Variants in ATP6V1B2 observed in about 807,000 individuals in gnomAD.
ATP6V1B2 encodes the protein ATPase H+ transporting V1 subunit B2, also known as V-type proton ATPase subunit B, brain isoform.
In ATP6V1B2, 23 loss-of-function variants were observed where a neutral mutation model predicts 66.7. The ratio of observed to expected loss-of-function variants is 0.34; its 90% CI spans 0.25 to 0.49. ATP6V1B2 has a LOEUF of 0.49. Ranked by LOEUF, ATP6V1B2 falls within the 20% of genes least tolerant of loss-of-function variation. ATP6V1B2 has a pLI of 0.99. For synonymous variants in ATP6V1B2, 278 were observed against 236.7 expected, an observed-to-expected ratio of 1.17 and a Z score of -1.60; for missense variants, 478 against 650.8, an observed-to-expected ratio of 0.73 and a Z score of 2.89.
In ATP6V1B2 at chr8:20,218,260, T is replaced by C. The variant is rs202100924; in HGVS notation, c.1374T>C (p.Phe458=). ...TCTACTTGGAATTTCTGCAGAAGTTTGAGAGGAACTTCATTGCTCAGGGTA... is the reference window on the plus strand; with the variant it reads ...TCTACTTGGAATTTCTGCAGAAGTTCGAGAGGAACTTCATTGCTCAGGGTA... ...DLLYLEFLQK[F]ERNFIAQGPY... is the part of the protein sequence containing the mutation. The change falls in exon 13 of 14, where the codon TTT becomes TTC. Residue 458 remains phenylalanine, a synonymous_variant. Coordinates refer to ENST00000276390, the MANE Select transcript of ATP6V1B2 (RefSeq NM_001693.4). 41 of 1,613,338 alleles carry C rather than the reference T, an allele frequency of 2.5e-5. No individual in the cohort carries two copies. In the East Asian group the frequency reaches 9.1e-4, roughly 36 times the overall value.
intron 9 of ATP6V1B2, chr8:20,213,898 A>G (rs1374535831): frequency 2.0e-5 from 3 of 152,178 alleles, no homozygotes; most frequent in African/African-American, 4.8e-5. Flanking sequence ...GTAAAATGCA[A>G]TAAAATTGAG....
intron 1 of ATP6V1B2, among the ~76,000 whole-genome samples, chr8:20,202,067 C>T (rs1247587213): frequency 1.3e-5 from 2 of 152,180 alleles, no homozygotes; most frequent in Non-Finnish European, 1.5e-5. Flanking sequence ...GAGGCCTCAC[C>T]TGTCAGTACT....
chr8:20,204,422 G>T, intron 1 of ATP6V1B2, 62 bp from the exon 2 acceptor site: 1 of 1,446,972 alleles, frequency 6.9e-7, no homozygotes, highest in South Asian at 1.2e-5. Flanking sequence ...GGTAATGCCA[G>T]AGAGCTAATT....
intron 7 of ATP6V1B2, 147 bp from the exon 8 acceptor site, chr8:20,211,955 T>A (rs2072799780): frequency 3.5e-6 from 3 of 846,680 alleles, no homozygotes; most frequent in Non-Finnish European, 5.4e-6. Flanking sequence ...CCAAACCGGC[T>A]CTTTGTTCTG....
chr8:20,210,849 G>A (rs553877831), intron 5 of ATP6V1B2, among the ~76,000 whole-genome samples: 1 of 152,114 alleles, frequency 6.6e-6, no homozygotes, highest in African/African-American at 2.4e-5. Context: ...TTAAGATACT[G>A]TAAAATATCT....
At chr8:20,220,158 TCA>T in intron 13 of ATP6V1B2, 103 bp from the exon 14 acceptor site, 1 of 1,334,160 alleles carries the variant, frequency 7.5e-7, no homozygotes, top group Non-Finnish European at 1.0e-6. Context: ...CTTTTTTTTT[TCA>T]ATATCTATTT....
At chr8:20,208,264 A>G (rs2072757895) in intron 2 of ATP6V1B2, among the ~76,000 whole-genome samples, 1 of 152,214 alleles carries the variant, frequency 6.6e-6, no homozygotes, top group African/African-American at 2.4e-5. Flanking sequence ...TAAATTTGGA[A>G]CAACCTAGAA....
Position 20,214,067 on chromosome 8 carries a change from T to C in ATP6V1B2, c.928-751T>C, listed in dbSNP as rs894901745. ...GTGATCATTGCATGTTGATAACAGT[T>C]GGTCTGCAGACCGTGCTGTGAGGAG... is the stretch of plus-strand genomic sequence containing the variant. On this transcript the variant is annotated intron_variant, in intron 9 of 13. Transcript: ENST00000276390. 2.6e-5 allele frequency: 4 copies of C among 152,246 alleles called. No homozygotes were observed. The South Asian group carries it at 8.3e-4, about 32-fold the overall frequency. The allele number at this position is 152,246 out of a possible 1,614,324, so 9.4% of individuals were successfully genotyped here. A position where few individuals can be genotyped will look rare whatever the true frequency, so the allele number is the denominator to read the frequency against.
intron 8 of ATP6V1B2, 60 bp downstream of exon 8, chr8:20,212,259 G>T (rs533435297): frequency 6.6e-7 from 1 of 1,516,056 alleles, no homozygotes; most frequent in Non-Finnish European, 9.1e-7. Context: ...TGTGTCTTAA[G>T]GTTGGGGAGG....
chr8:20,210,628 G>A lies in ATP6V1B2; in HGVS notation c.445G>A (p.Asp149Asn). The A allele has an allele frequency of 6.2e-7, 1 of 1,613,706 alleles. No individual in the cohort carries two copies. The highest frequency in any genetic ancestry group is 1.1e-5 in the South Asian group (1 of 91,072). The part of the protein sequence containing the change: ...IDRGPVVLAE[D>N]FLDIMGQPIN... ...CAGAGGTCCTGTTGTACTGGCCGAA[G>A]ACTTCCTTGATATCATGGGTAGGTA... The change falls in exon 5 of 14, where the codon GAC becomes AAC. Residue 149 changes from aspartate (D) to asparagine (N), a missense_variant. Physicochemically the swap from Asp to Asn is conservative, Grantham distance 23. This residue lies in a region of ATP6V1B2 where 326 missense variants were observed against 545.6 expected (regional missense o/e 0.60). Transcript: ENST00000276390.
intron 7 of ATP6V1B2, 104 bp from the exon 8 acceptor site, chr8:20,211,998 G>A: frequency 8.9e-7 from 1 of 1,124,188 alleles, no homozygotes; most frequent in Non-Finnish European, 1.3e-6. Context: ...GGGTACTTGA[G>A]GTTTTAAAAG....
intron 13 of ATP6V1B2, 152 bp downstream of exon 13, chr8:20,218,434 C>A: frequency 1.0e-6 from 1 of 1,004,456 alleles, no homozygotes; most frequent in Non-Finnish European, 1.4e-6. Context: ...AACCCTCTGG[C>A]TTCTCCTCTG....
intron 1 of ATP6V1B2, among the ~76,000 whole-genome samples, chr8:20,200,930 CTTA>C (rs1201164654): frequency 1.3e-5 from 2 of 152,298 alleles, no homozygotes; most frequent in South Asian, 2.1e-4. Context: ...GACTAGGACA[CTTA>C]TTATGCAATG....
intron 9 of ATP6V1B2, chr8:20,214,471 A>G (rs1336923372): frequency 5.9e-6 from 1 of 168,746 alleles, no homozygotes; most frequent in African/African-American, 2.4e-5. Context: ...TAGTTCCACC[A>G]CGTGGAATAA....
chr8:20,218,039 A>G, intron 12 of ATP6V1B2, 114 bp from the exon 13 acceptor site: 1 of 1,367,734 alleles, frequency 7.3e-7, no homozygotes, highest in Non-Finnish European at 9.8e-7. Context: ...TTGTTTTTGT[A>G]AATTCCTTCT....
chr8:20,209,363 CAG>C (rs1423939711), intron 2 of ATP6V1B2, 68 bp from the exon 3 acceptor site: 7 of 1,439,658 alleles, frequency 4.9e-6, no homozygotes, highest in Middle Eastern at 1.8e-4. Flanking sequence ...ATGGGAGAGA[CAG>C]AGCATGTGTA....
intron 9 of ATP6V1B2, chr8:20,213,274 T>C: frequency 3.9e-6 from 1 of 256,684 alleles, no homozygotes; most frequent in Non-Finnish European, 7.5e-6. Context: ...ATGTTAATAT[T>C]TTATAAAGAC....
intron 1 of ATP6V1B2, among the ~76,000 whole-genome samples, chr8:20,202,270 T>C (rs369150910): frequency 3.3e-5 from 5 of 152,308 alleles, no homozygotes; most frequent in African/African-American, 1.2e-4. Flanking sequence ...AATAAGTGGC[T>C]TTGGAGCTAG....
chr8:20,216,134 T>G (rs1341793524), intron 10 of ATP6V1B2: 2 of 238,792 alleles, frequency 8.4e-6, no homozygotes, highest in African/African-American at 4.5e-5. Flanking sequence ...TTTGGCTGTT[T>G]AAGTTCAAGT....
Sources: gnomAD v4.1 joint callset for allele counts (sites outside exome capture counted in the v4.1 genomes callset) on GRCh38, gnomAD v4.1.1 for gene constraint, gnomAD v4.1.1 regional missense constraint, MANE v1.5 for transcripts, NCBI Gene and HGNC (gene_info 2026-07-23, HGNC 2026-07-21) for gene names.